The following FRMD6 variants were observed in gnomAD, a reference collection of about 807,000 sequenced individuals.
The protein encoded by FRMD6 is FERM domain containing 6, also known as FERM domain-containing protein 6.
Under a neutral mutation model 73.2 loss-of-function variants are expected in FRMD6, and 37 were observed. The ratio of observed to expected loss-of-function variants is 0.51; its 90% CI spans 0.39 to 0.66. The LOEUF is 0.66. Among genes scored for constraint, FRMD6 ranks in the 30% least tolerant of loss-of-function variants. The probability of loss-of-function intolerance (pLI) is 0.00; values close to 1 mark genes in which losing one functional copy is unlikely to be tolerated. For synonymous variants in FRMD6, 273 were observed against 282.2 expected (o/e 0.97, Z 0.33); for missense variants, 714 against 780.5 (o/e 0.91, Z 1.02).
At chr14:51,514,339 C>A (rs574760654) in intron 1 of FRMD6, among the ~76,000 whole-genome samples, 1 of 151,538 alleles carries the variant, frequency 6.6e-6, no homozygotes, top group East Asian at 1.9e-4. Flanking sequence ...CACACTAGGG[C>A]CTGTTGGGGG....
intron 1 of FRMD6, among the ~76,000 whole-genome samples, chr14:51,513,830 C>CT (rs1220475433): frequency 4.6e-5 from 7 of 152,170 alleles, no homozygotes; most frequent in Admixed American, 4.6e-4. Flanking sequence ...CAGCTAAGGC[C>CT]TATCTCTCCT....
At chr14:51,676,519 A>G (rs1393494496) in intron 1 of FRMD6, among the ~76,000 whole-genome samples, 2 of 152,190 alleles carry the variant, frequency 1.3e-5, no homozygotes, top group Non-Finnish European at 2.9e-5. Flanking sequence ...TAATGGATTC[A>G]TCTTTTGTGA....
chr14:51,704,002 A>G (rs1443430729), intron 5 of FRMD6, among the ~76,000 whole-genome samples: 1 of 152,144 alleles, frequency 6.6e-6, no homozygotes, highest in Non-Finnish European at 1.5e-5. Flanking sequence ...AACGTATTTA[A>G]TGATGACTGT....
the FRMD6 span, among the ~76,000 whole-genome samples, chr14:51,437,305 G>A: frequency 2.6e-5 from 4 of 152,164 alleles, no homozygotes; most frequent in South Asian, 6.2e-4. Flanking sequence ...TTCCTGCAAA[G>A]AGTCTGTCTC....
intron 1 of FRMD6, among the ~76,000 whole-genome samples, chr14:51,500,211 C>G (rs867625158): frequency 6.6e-6 from 1 of 152,052 alleles, no homozygotes; most frequent in African/African-American, 2.4e-5. Flanking sequence ...GAGATGTAAA[C>G]GAATGTGGAA....
chr14:51,708,105 A>G lies in FRMD6; in HGVS notation c.586A>G (p.Ile196Val). 1 of 1,613,312 alleles carries G rather than the reference A, an allele frequency of 6.2e-7. No homozygotes were observed. Among genetic ancestry groups the G allele is most frequent in the Non-Finnish European group, 8.5e-7 (1 of 1,179,466 alleles). The change falls in exon 7 of 14, where the codon ATC (isoleucine) becomes GTC (valine). Residue 196 changes from isoleucine (I) to valine (V), a missense_variant. Transcript: ENST00000344768. ...WVVSKRGKDYILKHIPNMHKD... is the reference protein window; with the variant it reads ...WVVSKRGKDYVLKHIPNMHKD... ...TGTTTCCAAGAGGGGGAAGGACTAC[A>G]TCCTGAAGCACATTCCAAACATGCA...
chr14:51,428,971 AGAGACAGAGGGGAGAGAGAGGGTGG>A, the FRMD6 span, among the ~76,000 whole-genome samples: 2 of 125,916 alleles, frequency 1.6e-5, no homozygotes, highest in African/African-American at 3.0e-5. Flanking sequence ...AGAGAGGGTG[AGAGACAGAGGGGAGAGAGAGGGTGG>A]GAGAGAGAGG....
intron 2 of FRMD6, among the ~76,000 whole-genome samples, chr14:51,615,001 A>G (rs546466527): frequency 7.2e-4 from 110 of 152,342 alleles, no homozygotes; most frequent in South Asian, 1.4e-3. Context: ...AATCAGGCAG[A>G]GTAGGGATTT....
At chr14:51,491,684 G>C (rs1015672617) in intron 1 of FRMD6, 3 of 152,270 alleles carry the variant, frequency 2.0e-5, no homozygotes. Flanking sequence ...TGGACGCTTA[G>C]CCTTTTCTCT....
intron 2 of FRMD6, among the ~76,000 whole-genome samples, chr14:51,590,414 T>C (rs1889326322): frequency 7.0e-6 from 1 of 143,700 alleles, no homozygotes; most frequent in South Asian, 2.1e-4. Flanking sequence ...ACCCAGCAAT[T>C]TTTTTTTTTA....
intron 2 of FRMD6, chr14:51,575,511 G>A (rs7151351): frequency 0.88 from 133,443 of 152,288 alleles, 58,657 homozygotes; most frequent in African/African-American, 0.92. Flanking sequence ...GGTAAGGGCC[G>A]TTAGAAAGTG....
chr14:51,721,287 A>G (rs1897546976), intron 11 of FRMD6, among the ~76,000 whole-genome samples: 1 of 152,166 alleles, frequency 6.6e-6, no homozygotes, highest in Non-Finnish European at 1.5e-5. Context: ...TAGTATTAAA[A>G]CACATATAGG....
At chr14:51,568,729 C>G (rs1887921879) in intron 1 of FRMD6, among the ~76,000 whole-genome samples, 1 of 152,112 alleles carries the variant, frequency 6.6e-6, no homozygotes, top group Non-Finnish European at 1.5e-5. Flanking sequence ...GATAGGGAAT[C>G]AAGAGGCTGT....
the FRMD6 span, among the ~76,000 whole-genome samples, chr14:51,406,477 TA>T: frequency 2.0e-5 from 3 of 152,178 alleles, no homozygotes; most frequent in Non-Finnish European, 4.4e-5. Context: ...TCTATTTGTT[TA>T]TGTGTTTTCT....
intron 5 of FRMD6, among the ~76,000 whole-genome samples, chr14:51,704,011 G>A (rs142994809): frequency 2.6e-5 from 4 of 152,040 alleles, no homozygotes; most frequent in African/African-American, 7.2e-5. Context: ...AATGATGACT[G>A]TATTTATTTC....
At chr14:51,506,134 C>T (rs574527180) in intron 1 of FRMD6, among the ~76,000 whole-genome samples, 5 of 152,320 alleles carry the variant, frequency 3.3e-5, no homozygotes, top group Admixed American at 6.5e-5. Flanking sequence ...TGCTTATGCT[C>T]TTTCCTCTGC....
chr14:51,519,681 C>T (rs1335409309), intron 1 of FRMD6, among the ~76,000 whole-genome samples: 1 of 152,118 alleles, frequency 6.6e-6, no homozygotes, highest in Non-Finnish European at 1.5e-5. Flanking sequence ...GATCCTTACA[C>T]TGTAATGAAA....
intron 11 of FRMD6, among the ~76,000 whole-genome samples, chr14:51,721,708 A>AAGGG (rs771780048): frequency 0.041 from 3,405 of 83,694 alleles, 98 homozygotes; most frequent in African/African-American, 0.06. Context: ...GGAAGGAAGG[A>AAGGG]AGGAAGGAAG....
At chr14:51,577,397 G>A (rs1182338890) in intron 2 of FRMD6, among the ~76,000 whole-genome samples, 3 of 152,114 alleles carry the variant, frequency 2.0e-5, no homozygotes. Flanking sequence ...TCATCATCAT[G>A]ATCATCAAAT....
Sources: gnomAD v4.1 joint callset for allele counts (sites outside exome capture counted in the v4.1 genomes callset) on GRCh38, gnomAD v4.1.1 for gene constraint, MANE v1.5 for transcripts, NCBI Gene and HGNC (gene_info 2026-07-23, HGNC 2026-07-21) for gene names.